Variants in EXOC6B observed in about 807,000 individuals in gnomAD.
The protein encoded by EXOC6B is exocyst complex component 6B, also known as SEC15 homolog B.
In EXOC6B, 54 loss-of-function variants were observed where a neutral mutation model predicts 113.5. The observed-to-expected ratio is 0.48, with a 90% CI of 0.38 to 0.60. EXOC6B has a LOEUF of 0.60. Among genes scored for constraint, EXOC6B ranks in the 20% least tolerant of loss-of-function variants. The pLI, the probability that EXOC6B is intolerant of heterozygous loss-of-function variation, is 0.00. For missense variants in EXOC6B, 797 were observed against 977.5 expected (o/e 0.82, Z 2.46); for synonymous variants, 357 against 339.0 (o/e 1.05, Z -0.58).
intron 8 of EXOC6B, among the ~76,000 whole-genome samples, chr2:72,539,024 C>G (rs1364946215): frequency 6.6e-6 from 1 of 152,130 alleles, no homozygotes; most frequent in African/African-American, 2.4e-5. Context: ...TCACTAACCT[C>G]AAGTACCATT....
chr2:72,559,466 A>G lies in EXOC6B; in HGVS notation c.902T>C (p.Ile301Thr). The G allele has an allele frequency of 1.2e-6, 2 of 1,612,220 alleles. No homozygotes were observed. Among genetic ancestry groups the G allele is most frequent in the East Asian group, 2.2e-5 (1 of 44,756 alleles). The stretch of plus-strand genomic sequence containing the variant: ...ATAAAGACTCACCAGGACAGAATAT[A>G]TATGTAGACATCGATAAACTGGAGA... ...DFSPVYRCLH[I>T]YSVLGARETF... The change falls in exon 8 of 22, where the codon ATA (isoleucine) becomes ACA (threonine). Residue 301 changes from isoleucine to threonine, a missense_variant. Coordinates refer to ENST00000272427, the MANE Select transcript of EXOC6B (RefSeq NM_015189.3).
At chr2:72,666,203 G>A (rs922712304) in intron 6 of EXOC6B, among the ~76,000 whole-genome samples, 6 of 152,126 alleles carry the variant, frequency 3.9e-5, no homozygotes, top group Admixed American at 6.5e-5. Context: ...TCTAGTGAAA[G>A]CCTTGAACAC....
chr2:72,329,052 T>C (rs768863307), intron 20 of EXOC6B, among the ~76,000 whole-genome samples: 2 of 152,130 alleles, frequency 1.3e-5, no homozygotes, highest in Non-Finnish European at 2.9e-5. Context: ...AGAGTATCTC[T>C]ACTGACAACA....
At chr2:72,210,228 T>C (rs1680103178) in intron 20 of EXOC6B, among the ~76,000 whole-genome samples, 2 of 152,316 alleles carry the variant, frequency 1.3e-5, no homozygotes, top group South Asian at 4.1e-4. Flanking sequence ...CAAAACGCTG[T>C]GAGGACTCTT....
intron 20 of EXOC6B, among the ~76,000 whole-genome samples, chr2:72,214,303 T>C (rs1680370363): frequency 6.6e-6 from 1 of 151,926 alleles, no homozygotes; most frequent in Admixed American, 6.6e-5. Context: ...CTGGCTAACA[T>C]GGTGAAACCC....
intron 5 of EXOC6B, chr2:72,721,770 A>G (rs1680023366): frequency 6.6e-6 from 1 of 152,118 alleles, no homozygotes; most frequent in African/African-American, 2.4e-5. Context: ...TGTTTACAAT[A>G]TTGTTGAATG....
chr2:72,643,261 G>A (rs113414318), intron 6 of EXOC6B, among the ~76,000 whole-genome samples: 1 of 151,208 alleles, frequency 6.6e-6, no homozygotes, highest in African/African-American at 2.4e-5. Context: ...TCCCATTACT[G>A]GGTATATACC....
chr2:72,443,447 G>A (rs913619743), intron 18 of EXOC6B, among the ~76,000 whole-genome samples: 2 of 152,052 alleles, frequency 1.3e-5, no homozygotes, highest in Admixed American at 6.6e-5. Context: ...AGCAAGCAAT[G>A]GGGAAAGGGC....
chr2:72,634,009 C>T (rs1042572964), intron 6 of EXOC6B, among the ~76,000 whole-genome samples: 3 of 150,506 alleles, frequency 2.0e-5, no homozygotes, highest in South Asian at 4.2e-4. Flanking sequence ...AGTAGGACAA[C>T]GAAAATAAAA....
At chr2:72,460,020 G>A (rs987088257) in intron 18 of EXOC6B, among the ~76,000 whole-genome samples, 5 of 151,924 alleles carry the variant, frequency 3.3e-5, no homozygotes, top group Admixed American at 3.3e-4. Flanking sequence ...ATAGATCAAT[G>A]GAACAGAACA....
At chr2:72,493,266 G>A (rs1404763364) in intron 15 of EXOC6B, among the ~76,000 whole-genome samples, 3 of 148,066 alleles carry the variant, frequency 2.0e-5, no homozygotes, top group Admixed American at 1.3e-4. Context: ...TGCTGACTTC[G>A]CCTCTCTGAT....
At chr2:72,358,756 G>A (rs1308604783) in intron 19 of EXOC6B, among the ~76,000 whole-genome samples, 3 of 152,108 alleles carry the variant, frequency 2.0e-5, no homozygotes. Flanking sequence ...GTGGTAGGAT[G>A]TATGCACTAA....
intron 1 of EXOC6B, among the ~76,000 whole-genome samples, chr2:72,821,743 T>C (rs1312410224): frequency 3.3e-5 from 5 of 152,156 alleles, no homozygotes; most frequent in Non-Finnish European, 2.9e-5. Context: ...AATGTCCCGA[T>C]GTCCAGAACA....
At chr2:72,479,296 T>C (rs1202511095) in intron 17 of EXOC6B, among the ~76,000 whole-genome samples, 2 of 152,198 alleles carry the variant, frequency 1.3e-5, no homozygotes, top group Admixed American at 6.5e-5. Context: ...TGATTCAACA[T>C]TGTGTTTTTT....
intron 16 of EXOC6B, among the ~76,000 whole-genome samples, chr2:72,484,349 G>A (rs1391178030): frequency 6.7e-6 from 1 of 150,338 alleles, no homozygotes. Context: ...ACGAGGTCAG[G>A]AGATCAAGAC....
At chr2:72,625,382 T>C (rs1671993531) in intron 6 of EXOC6B, among the ~76,000 whole-genome samples, 1 of 152,144 alleles carries the variant, frequency 6.6e-6, no homozygotes, top group Non-Finnish European at 1.5e-5. Context: ...TGCCTATAAT[T>C]ACATAGTTAA....
At chr2:72,480,574 G>A (rs1313496458) in intron 17 of EXOC6B, 42 bp downstream of exon 17, 6 of 1,536,022 alleles carry the variant, frequency 3.9e-6, no homozygotes, top group Non-Finnish European at 5.3e-6. Flanking sequence ...CCCAGACTGT[G>A]TACACCAGAA....
At chr2:72,379,111 C>T (rs1691530477) in intron 19 of EXOC6B, among the ~76,000 whole-genome samples, 1 of 152,100 alleles carries the variant, frequency 6.6e-6, no homozygotes, top group Non-Finnish European at 1.5e-5. Flanking sequence ...TCTCTTCTGA[C>T]TGTAATATAC....
chr2:72,476,854 T>C (rs185870788), intron 17 of EXOC6B, among the ~76,000 whole-genome samples: 1 of 152,348 alleles, frequency 6.6e-6, no homozygotes, highest in East Asian at 1.9e-4. Context: ...ATACTGGCTT[T>C]ATTTTATCAT....
Sources: allele counts gnomAD v4.1 joint callset (sites outside exome capture counted in the v4.1 genomes callset), GRCh38; gene constraint gnomAD v4.1.1; transcripts MANE v1.5; gene names NCBI Gene and HGNC (gene_info 2026-07-23, HGNC 2026-07-21).